TENM2: variants seen among roughly 807,000 people sequenced by gnomAD.
The protein encoded by TENM2 is teneurin-2.
A neutral mutation model predicts 245.2 loss-of-function variants in TENM2; 52 were observed. That is an observed-to-expected ratio of 0.21 (90% CI 0.17 to 0.27). The LOEUF (loss-of-function observed/expected upper bound fraction) is 0.27. TENM2 is among the 10% of genes least tolerant of loss of function. The probability of loss-of-function intolerance (pLI) is 1.00; values close to 1 mark genes in which losing one functional copy is unlikely to be tolerated. For synonymous variants in TENM2, 1,363 were observed against 1,438.9 expected (o/e 0.95, Z 1.19); for missense variants, 3,046 against 3,666.8 (o/e 0.83, Z 4.37).
chr5:167,032,289 G>C, the TENM2 span, among the ~76,000 whole-genome samples: 5 of 152,152 alleles, frequency 3.3e-5, no homozygotes, highest in Non-Finnish European at 2.9e-5. Flanking sequence ...CTGCAAATCT[G>C]TCCTTAAAAT....
the TENM2 span, among the ~76,000 whole-genome samples, chr5:167,217,771 AAAAG>A: frequency 6.7e-6 from 1 of 150,182 alleles, no homozygotes; most frequent in South Asian, 2.1e-4. Flanking sequence ...ATATATATAT[AAAAG>A]AAAGAGAGGT....
the TENM2 span, among the ~76,000 whole-genome samples, chr5:167,010,979 T>G: frequency 2.6e-5 from 4 of 152,216 alleles, no homozygotes; most frequent in African/African-American, 9.6e-5. Flanking sequence ...TCCTGTTTTA[T>G]AGATGCAAAG....
chr5:167,418,871 C>T (rs1295884267), intron 2 of TENM2, among the ~76,000 whole-genome samples: 1 of 152,036 alleles, frequency 6.6e-6, no homozygotes, highest in Non-Finnish European at 1.5e-5. Flanking sequence ...TATCCCTTGG[C>T]ATCAAGAATA....
chr5:167,636,914 A>C (rs562747306), intron 2 of TENM2, among the ~76,000 whole-genome samples: 1 of 152,320 alleles, frequency 6.6e-6, no homozygotes, highest in East Asian at 1.9e-4. Flanking sequence ...GTACCCTGCA[A>C]GTTGACATTG....
intron 2 of TENM2, among the ~76,000 whole-genome samples, chr5:167,495,771 G>T (rs571999682): frequency 6.6e-6 from 1 of 152,124 alleles, no homozygotes; most frequent in African/African-American, 2.4e-5. Flanking sequence ...AAAACAAAAA[G>T]ACTTTAATCT....
Position 167,876,843 on chromosome 5 carries a change from T to C in TENM2, c.712+648T>C, listed in dbSNP as rs146494772. 4.5e-3 allele frequency among the ~76,000 whole-genome samples: 692 copies of C among 152,178 alleles called. 8 individuals are homozygous for C. The highest frequency in any genetic ancestry group is 0.016 in the African/African-American group (652 of 41,506). On this transcript the variant is annotated intron_variant, in intron 3 of 28. Coordinates refer to ENST00000518659, the Ensembl canonical transcript of TENM2. The stretch of plus-strand genomic sequence containing the variant: ...TCTAAATCCATAGTTCTTATTTTGG[T>C]TTTCTCATTCATGGAACAGGGAAAC...
chr5:168,087,767 A>G (rs1051654065), intron 7 of TENM2, among the ~76,000 whole-genome samples: 4 of 152,190 alleles, frequency 2.6e-5, no homozygotes, highest in Non-Finnish European at 5.9e-5. Context: ...TAGAAAGACA[A>G]CACACATAAA....
chr5:167,228,462 C>T, the TENM2 span, among the ~76,000 whole-genome samples: 1 of 151,708 alleles, frequency 6.6e-6, no homozygotes, highest in Non-Finnish European at 1.5e-5. Flanking sequence ...TGGCAAATTT[C>T]TCATTTATAT....
the TENM2 span, among the ~76,000 whole-genome samples, chr5:167,260,446 T>C: frequency 6.6e-6 from 1 of 152,202 alleles, no homozygotes; most frequent in Admixed American, 6.5e-5. Context: ...TGTTTATCTC[T>C]TCTTTCATGG....
At chr5:168,151,000 T>TGCTTGCCTCCCCTCTGTCAA (rs1756600570) in intron 12 of TENM2, among the ~76,000 whole-genome samples, 1 of 152,202 alleles carries the variant, frequency 6.6e-6, no homozygotes, top group Non-Finnish European at 1.5e-5. Context: ...CAGGTGCTGT[T>TGCTTGCCTCCCCTCTGTCAA]GCTTGCCTCC....
chr5:168,200,063 C>T (rs1215227672), exon 17 of TENM2: 3 of 1,613,724 alleles, frequency 1.9e-6, no homozygotes, highest in African/African-American at 2.7e-5. Context: ...CCCAACCTGG[C>T]CTACACCTTC....
At chr5:167,922,914 G>C (rs1000455677) in intron 3 of TENM2, among the ~76,000 whole-genome samples, 1 of 152,204 alleles carries the variant, frequency 6.6e-6, no homozygotes, top group African/African-American at 2.4e-5. Context: ...AACAAAGAAA[G>C]GGCAAGGAGA....
the TENM2 span, among the ~76,000 whole-genome samples, chr5:167,036,898 C>T: frequency 3.3e-5 from 5 of 152,144 alleles, no homozygotes; most frequent in African/African-American, 1.2e-4. Flanking sequence ...CAGTTTTTGC[C>T]TTTCCCATTA....
chr5:167,494,570 G>A (rs1206788138), intron 2 of TENM2, among the ~76,000 whole-genome samples: 1 of 152,024 alleles, frequency 6.6e-6, no homozygotes, highest in Non-Finnish European at 1.5e-5. Flanking sequence ...TCCAATGCAA[G>A]AAGATTAGTA....
chr5:167,600,323 C>CT (rs532566551), intron 2 of TENM2, among the ~76,000 whole-genome samples: 7 of 151,660 alleles, frequency 4.6e-5, no homozygotes, highest in Non-Finnish European at 7.4e-5. Flanking sequence ...AAATTAGAAC[C>CT]TTTTTTTGTT....
At chr5:167,944,263 T>C (rs976714125) in intron 3 of TENM2, among the ~76,000 whole-genome samples, 1 of 152,138 alleles carries the variant, frequency 6.6e-6, no homozygotes, top group East Asian at 1.9e-4. Flanking sequence ...CTTTCTTGTT[T>C]CCCCTCCCAC....
chr5:167,538,246 C>T (rs768906296), intron 2 of TENM2, among the ~76,000 whole-genome samples: 13 of 152,174 alleles, frequency 8.5e-5, no homozygotes, highest in Admixed American at 7.2e-4. Context: ...GTTGGAAAGG[C>T]GATTTCAAAT....
At chr5:167,906,401 G>A (rs2151546131) in intron 3 of TENM2, among the ~76,000 whole-genome samples, 1 of 152,298 alleles carries the variant, frequency 6.6e-6, no homozygotes, top group African/African-American at 2.4e-5. Flanking sequence ...AGCCGCACCA[G>A]GGAGCTGACA....
chr5:167,596,378 C>A (rs73382905), intron 2 of TENM2, among the ~76,000 whole-genome samples: 3 of 152,230 alleles, frequency 2.0e-5, no homozygotes, highest in African/African-American at 4.8e-5. Context: ...ACTGTCCCCC[C>A]CAAGGACCTC....
Sources: allele counts gnomAD v4.1 joint callset (sites outside exome capture counted in the v4.1 genomes callset), GRCh38; gene constraint gnomAD v4.1.1; transcripts MANE v1.5; gene names NCBI Gene and HGNC (gene_info 2026-07-23, HGNC 2026-07-21).